The following LHFPL3 variants were observed in gnomAD, a reference collection of about 807,000 sequenced individuals.
The protein encoded by LHFPL3 is LHFPL tetraspan subfamily member 3, also known as LHFPL tetraspan subfamily member 3 protein.
Under a neutral mutation model 19.3 loss-of-function variants are expected in LHFPL3, and 5 were observed. The observed-to-expected ratio is 0.26, with a 90% CI of 0.14 to 0.54. The LOEUF (loss-of-function observed/expected upper bound fraction) is 0.54, where lower values mean the gene tolerates loss of function less well. Among genes scored for constraint, LHFPL3 ranks in the 20% least tolerant of loss-of-function variants. LHFPL3 has a pLI of 0.94. For synonymous variants in LHFPL3, 133 were observed against 126.2 expected, an observed-to-expected ratio of 1.05 and a Z score of -0.36; for missense variants, 249 against 307.4, an observed-to-expected ratio of 0.81 and a Z score of 1.42.
At chr7:104,519,145 C>A (rs1250505095) in intron 1 of LHFPL3, among the ~76,000 whole-genome samples, 1 of 152,110 alleles carries the variant, frequency 6.6e-6, no homozygotes, top group Admixed American at 6.6e-5. Context: ...CAATCACTTA[C>A]TCTTCCCAAA....
rs60085377 is a variant in LHFPL3, at chr7:104,614,680, CTTCTTTCT to C, written c.446-121942_446-121935del. Among the ~76,000 whole-genome samples the C allele has an allele frequency of 4.3e-3, 406 of 94,356 alleles. 7 individuals carry two copies. The highest frequency in any genetic ancestry group is 0.014 in the African/African-American group (333 of 23,250). The allele number at this position is 94,356 out of a possible 152,430, so 61.9% of individuals were successfully genotyped here. A position where few individuals can be genotyped will look rare whatever the true frequency, so the allele number is the denominator to read the frequency against. ...CCTTCCTTCCTTCCTTCCTTCCTTC[CTTCTTTCT>C]TTCTTTCTTTCTTTCTTTCTTTCTT... is the stretch of plus-strand genomic sequence containing the variant. On this transcript the variant is annotated intron_variant, in intron 1 of 2. Transcript: ENST00000424859.
At chr7:104,333,752 A>G (rs1167935288) in intron 1 of LHFPL3, among the ~76,000 whole-genome samples, 1 of 152,210 alleles carries the variant, frequency 6.6e-6, no homozygotes, top group South Asian at 2.1e-4. Context: ...CTGTTTTCTT[A>G]TAGATCTCAT....
intron 1 of LHFPL3, among the ~76,000 whole-genome samples, chr7:104,726,054 G>GAAA (rs1793584874): frequency 8.6e-5 from 2 of 23,212 alleles, no homozygotes; most frequent in Non-Finnish European, 1.7e-4. Context: ...TCCATCTCAG[G>GAAA]CAAAAAAAAA....
chr7:104,477,206 G>A (rs1276750168), intron 1 of LHFPL3, among the ~76,000 whole-genome samples: 1 of 152,064 alleles, frequency 6.6e-6, no homozygotes, highest in African/African-American at 2.4e-5. Context: ...GCCCAGGCTG[G>A]TCTTGAACTC....
chr7:104,444,563 G>T (rs560357907), intron 1 of LHFPL3, among the ~76,000 whole-genome samples: 1 of 151,992 alleles, frequency 6.6e-6, no homozygotes, highest in Non-Finnish European at 1.5e-5. Context: ...GTTCTTTTCC[G>T]GTAATTCTTA....
At chr7:104,460,995 G>T (rs1792651177) in intron 1 of LHFPL3, among the ~76,000 whole-genome samples, 2 of 152,116 alleles carry the variant, frequency 1.3e-5, no homozygotes. Context: ...TTAATCCATT[G>T]TATTAGTCTA....
At chr7:104,629,541 G>A (rs967687238) in intron 1 of LHFPL3, among the ~76,000 whole-genome samples, 3 of 152,172 alleles carry the variant, frequency 2.0e-5, no homozygotes, top group African/African-American at 7.2e-5. Flanking sequence ...CCCGGAAATG[G>A]AAGCTGGTTA....
chr7:104,814,315 C>T (rs1200552406), intron 2 of LHFPL3, among the ~76,000 whole-genome samples: 1 of 152,094 alleles, frequency 6.6e-6, no homozygotes, highest in Non-Finnish European at 1.5e-5. Flanking sequence ...TGCACCTGGT[C>T]GACTCATCAT....
At chr7:104,519,904 T>C (rs986515713) in intron 1 of LHFPL3, among the ~76,000 whole-genome samples, 1 of 152,112 alleles carries the variant, frequency 6.6e-6, no homozygotes, top group African/African-American at 2.4e-5. Flanking sequence ...TTGGTGCAAG[T>C]GGAATTTATC....
chr7:104,816,080 C>T (rs1221452119), intron 2 of LHFPL3, among the ~76,000 whole-genome samples: 1 of 152,094 alleles, frequency 6.6e-6, no homozygotes, highest in East Asian at 1.9e-4. Flanking sequence ...TCTGCAGCAG[C>T]CTTGACCTTC....
At chr7:104,345,546 G>A (rs1790048966) in intron 1 of LHFPL3, among the ~76,000 whole-genome samples, 1 of 152,028 alleles carries the variant, frequency 6.6e-6, no homozygotes, top group Non-Finnish European at 1.5e-5. Flanking sequence ...GGAATTGCCT[G>A]CAACCATTAT....
chr7:104,388,120 C>G (rs900250315), intron 1 of LHFPL3, among the ~76,000 whole-genome samples: 21 of 152,126 alleles, frequency 1.4e-4, no homozygotes, highest in African/African-American at 4.8e-4. Flanking sequence ...CATGATCTCA[C>G]TCCTTTTTAT....
chr7:104,892,916 C>T (rs1792280926), intron 2 of LHFPL3, among the ~76,000 whole-genome samples: 1 of 151,968 alleles, frequency 6.6e-6, no homozygotes. Flanking sequence ...GCTATACAAT[C>T]ATTTTAAATG....
At chr7:104,858,596 T>A (rs1791554497) in intron 2 of LHFPL3, among the ~76,000 whole-genome samples, 1 of 152,114 alleles carries the variant, frequency 6.6e-6, no homozygotes, top group Non-Finnish European at 1.5e-5. Flanking sequence ...ACCTCCACCC[T>A]CACTGAACCC....
At chr7:104,805,188 G>C (rs1165492860) in intron 2 of LHFPL3, among the ~76,000 whole-genome samples, 2 of 152,222 alleles carry the variant, frequency 1.3e-5, no homozygotes, top group African/African-American at 4.8e-5. Context: ...ACTGGGCTAA[G>C]TATCACAGAT....
chr7:104,406,418 T>C (rs934528952), intron 1 of LHFPL3, among the ~76,000 whole-genome samples: 1 of 152,188 alleles, frequency 6.6e-6, no homozygotes, highest in Non-Finnish European at 1.5e-5. Context: ...ATAAGGAATA[T>C]GTATTGTCTA....
intron 1 of LHFPL3, among the ~76,000 whole-genome samples, chr7:104,443,786 A>G (rs1199673391): frequency 1.3e-5 from 2 of 152,246 alleles, no homozygotes; most frequent in African/African-American, 4.8e-5. Flanking sequence ...TTGCTTGTGA[A>G]AATGAGCACA....
At chr7:104,802,176 C>T (rs1790264219) in intron 2 of LHFPL3, among the ~76,000 whole-genome samples, 1 of 152,004 alleles carries the variant, frequency 6.6e-6, no homozygotes, top group Non-Finnish European at 1.5e-5. Context: ...GTGCTCTGTC[C>T]TCATGAATGG....
At chr7:104,755,704 G>C (rs556189045) in intron 2 of LHFPL3, among the ~76,000 whole-genome samples, 106 of 152,194 alleles carry the variant, frequency 7.0e-4, no homozygotes, top group African/African-American at 2.5e-3. Context: ...TTGTTTGTTT[G>C]TTTGTTTTGA....
Sources: allele counts gnomAD v4.1 joint callset (sites outside exome capture counted in the v4.1 genomes callset), GRCh38; gene constraint gnomAD v4.1.1; transcripts MANE v1.5; gene names NCBI Gene and HGNC (gene_info 2026-07-23, HGNC 2026-07-21).